VCL: variants seen among roughly 807,000 people sequenced by gnomAD.
The protein encoded by VCL is vinculin.
In VCL, 47 loss-of-function variants were observed where a neutral mutation model predicts 125.7. The observed-to-expected ratio is 0.37, with a 90% confidence interval of 0.30 to 0.48. VCL has a LOEUF of 0.48. Ranked by LOEUF, VCL falls within the 20% of genes least tolerant of loss-of-function variation. The pLI is 0.99. For missense variants in VCL, 1,069 were observed against 1,455.5 expected (o/e 0.73, Z 4.32); for synonymous variants, 458 against 514.6 (o/e 0.89, Z 1.49).
rs981272136 is a variant in VCL, at chr10:74,041,834, C to G, written c.169-1249C>G. ...ATGAGAATCACTTGAACCTGGGAGG[C>G]CAAGGTTTCAGTGAGCTGAGACTGC... On this transcript the variant is annotated intron_variant, in intron 1 of 21. Transcript: ENST00000211998. Among the ~76,000 whole-genome samples the G allele has an allele frequency of 4.6e-5, 7 of 152,272 alleles. No homozygotes were observed. In the South Asian group the frequency reaches 1.5e-3, roughly 32 times the overall value.
At chr10:74,004,744 G>A (rs1840288768) in intron 1 of VCL, among the ~76,000 whole-genome samples, 1 of 147,766 alleles carries the variant, frequency 6.8e-6, no homozygotes, top group Non-Finnish European at 1.5e-5. Flanking sequence ...TCACTCTCTT[G>A]CCCAGGCTGG....
At chr10:74,023,620 G>C (rs1310303525) in intron 1 of VCL, among the ~76,000 whole-genome samples, 1 of 152,166 alleles carries the variant, frequency 6.6e-6, no homozygotes, top group Non-Finnish European at 1.5e-5. Flanking sequence ...TAATGAGTTT[G>C]GTTGTCCGTG....
intron 9 of VCL, among the ~76,000 whole-genome samples, chr10:74,089,575 T>G (rs182000322): frequency 1.3e-5 from 2 of 152,312 alleles, no homozygotes; most frequent in Admixed American, 6.5e-5. Context: ...TTTACAGCAC[T>G]TCAGTTAGGT....
At chr10:74,038,447 C>A (rs1234158806) in intron 1 of VCL, among the ~76,000 whole-genome samples, 1 of 152,158 alleles carries the variant, frequency 6.6e-6, no homozygotes, top group African/African-American at 2.4e-5. Flanking sequence ...AAATGGCATT[C>A]ATTCTATATA....
chr10:74,074,947 C>T (rs1333011251), intron 6 of VCL, 44 bp downstream of exon 6: 1 of 1,612,492 alleles, frequency 6.2e-7, no homozygotes, highest in Non-Finnish European at 8.5e-7. Context: ...CCCAACTCTC[C>T]CTGGCTGGGG....
At chr10:74,089,128 C>G in intron 8 of VCL, 68 bp from the exon 9 acceptor site, 1 of 1,602,700 alleles carries the variant, frequency 6.2e-7, no homozygotes, top group Non-Finnish European at 8.5e-7. Context: ...ATGTACTGTG[C>G]TATTGGGAAT....
At chr10:74,051,892 ACAGCAGCAG>A (rs139111479) in intron 2 of VCL, among the ~76,000 whole-genome samples, 31 of 151,592 alleles carry the variant, frequency 2.0e-4, no homozygotes, top group Admixed American at 1.3e-4. Flanking sequence ...GCAGCAGTGT[ACAGCAGCAG>A]CAGCAGCAGC....
At position 74,020,691 on chromosome 10, in the gene VCL, A is replaced by G. The variant is rs1322987351; in HGVS notation, c.168+22316A>G. Reference sequence around the variant, plus strand: ...CCCTGTCTCTACAAAAAATACAAAAATTAGGTGGGCATGGTGGTGCACACC... The same window carrying G: ...CCCTGTCTCTACAAAAAATACAAAAGTTAGGTGGGCATGGTGGTGCACACC... On this transcript the variant is annotated intron_variant, in intron 1 of 21. Coordinates refer to ENST00000211998, the MANE Select transcript of VCL (RefSeq NM_014000.3). 3.3e-5 allele frequency among the ~76,000 whole-genome samples: 5 copies of G among 151,982 alleles called. No homozygotes were observed. The East Asian group carries it at 9.7e-4, about 29-fold the overall frequency.
chr10:74,094,227 A>C (rs765516064), intron 10 of VCL, 44 bp from the exon 11 acceptor site: 37 of 1,611,668 alleles, frequency 2.3e-5, no homozygotes, highest in Non-Finnish European at 3.1e-5. Flanking sequence ...TCTCAATGTA[A>C]ATAGTGTTTA....
chr10:74,115,244 A>G (rs1840293214), intron 21 of VCL, among the ~76,000 whole-genome samples: 1 of 151,900 alleles, frequency 6.6e-6, no homozygotes, highest in Non-Finnish European at 1.5e-5. Context: ...AAACAAAACA[A>G]AACACCAGGA....
chr10:73,998,928 C>A (rs778416494), intron 1 of VCL, among the ~76,000 whole-genome samples: 9 of 152,188 alleles, frequency 5.9e-5, no homozygotes, highest in Non-Finnish European at 8.8e-5. Context: ...CGCCCACCCC[C>A]GCTCCCCAGA....
At chr10:74,121,068 C>T (rs1840439629), downstream of VCL, 1 of 152,184 alleles carries the variant, frequency 6.6e-6, no homozygotes, top group African/African-American at 2.4e-5. Context: ...GTGTTGCCAA[C>T]TGCTATTATC....
chr10:74,103,976 T>G (rs1326801990), intron 15 of VCL, 48 bp downstream of exon 15: 2 of 1,579,412 alleles, frequency 1.3e-6, no homozygotes, highest in South Asian at 2.2e-5. Flanking sequence ...GAAGAATGAG[T>G]TCTGAGAAAT....
In VCL at chr10:74,089,996, G is replaced by A. The variant is rs375005693; in HGVS notation, c.1177-27G>A. 230 of 1,614,068 alleles carry A rather than the reference G, an allele frequency of 1.4e-4. 1 individual carries two copies. In the South Asian group the frequency reaches 1.7e-3, roughly 12 times the overall value. On this transcript the variant is annotated intron_variant, in intron 9 of 21. Coordinates refer to ENST00000211998, the MANE Select transcript of VCL (RefSeq NM_014000.3). ...AAGGAGTGTGTGAGTAGATCACAGC[G>A]TGCTGCTTCTCCGTTTCTATGTGTA...
intron 1 of VCL, among the ~76,000 whole-genome samples, chr10:74,021,042 A>G (rs1213156254): frequency 1.3e-5 from 2 of 152,068 alleles, no homozygotes; most frequent in African/African-American, 4.8e-5. Flanking sequence ...CACTTTGGAA[A>G]TAAGAGAAAT....
chr10:74,096,066 C>G (rs1839963331), intron 12 of VCL, among the ~76,000 whole-genome samples: 1 of 151,948 alleles, frequency 6.6e-6, no homozygotes, highest in African/African-American at 2.4e-5. Context: ...CCAAATTCCA[C>G]TCAGTCAAGA....
At chr10:74,078,597 C>T (rs772432962) in intron 6 of VCL, among the ~76,000 whole-genome samples, 4 of 152,038 alleles carry the variant, frequency 2.6e-5, no homozygotes, top group African/African-American at 7.2e-5. Context: ...TTGATGTTTC[C>T]CTTCTGATCT....
intron 10 of VCL, 32 bp downstream of exon 10, chr10:74,090,230 T>A (rs1839857611): frequency 1.9e-6 from 3 of 1,611,358 alleles, no homozygotes; most frequent in Non-Finnish European, 8.5e-7. Flanking sequence ...TGCCTTTTCA[T>A]ATCTTTTCTT....
At chr10:74,040,538 C>G (rs1373048757) in intron 1 of VCL, among the ~76,000 whole-genome samples, 1 of 152,166 alleles carries the variant, frequency 6.6e-6, no homozygotes, top group East Asian at 1.9e-4. Flanking sequence ...TGAACTTCAT[C>G]TTTTACTTCA....
Sources: allele counts gnomAD v4.1 joint callset (sites outside exome capture counted in the v4.1 genomes callset), GRCh38; gene constraint gnomAD v4.1.1; transcripts MANE v1.5; gene names NCBI Gene and HGNC (gene_info 2026-07-23, HGNC 2026-07-21).